Variants in LARP1 observed in about 807,000 individuals in gnomAD.
LARP1 encodes the protein La ribonucleoprotein 1, translational regulator, also known as la-related protein 1.
Under a neutral mutation model 122.7 loss-of-function variants are expected in LARP1, and 36 were observed. The observed-to-expected ratio is 0.29, with a 90% CI of 0.22 to 0.39. The LOEUF (loss-of-function observed/expected upper bound fraction) is 0.39, where lower values mean the gene tolerates loss of function less well. LARP1 is among the 10% of genes least tolerant of loss of function. The pLI is 1.00. For missense variants in LARP1, 1,040 were observed against 1,403.6 expected (o/e 0.74, Z 4.14); for synonymous variants, 539 against 528.7 (o/e 1.02, Z -0.27).
chr5:154,699,761 C>T (rs562671865), intron 1 of LARP1, among the ~76,000 whole-genome samples: 6 of 152,188 alleles, frequency 3.9e-5, no homozygotes, highest in African/African-American at 9.6e-5. Flanking sequence ...GTGGAGGGAC[C>T]GAGGTACAAA....
intron 1 of LARP1, among the ~76,000 whole-genome samples, chr5:154,690,979 G>C (rs1754171594): frequency 6.6e-6 from 1 of 152,198 alleles, no homozygotes; most frequent in Non-Finnish European, 1.5e-5. Context: ...GAGTATCAGG[G>C]CTGGGCACGG....
chr5:154,790,410 C>T, intron 2 of LARP1, 24 bp downstream of exon 2: 1 of 1,606,764 alleles, frequency 6.2e-7, no homozygotes, highest in Non-Finnish European at 8.5e-7. Context: ...GTGGGCAACC[C>T]AAGGGGACTT....
In LARP1 at chr5:154,755,685, TC is replaced by T. The variant is rs1753803313; in HGVS notation, c.-72del. 1 of 987,070 alleles carries T rather than the reference TC, an allele frequency of 1.0e-6. No homozygotes were observed. The highest frequency in any genetic ancestry group is 1.2e-6 in the Non-Finnish European group (1 of 830,036). 61.1% of individuals were successfully genotyped at this position (987,070 alleles called of 1,614,324 possible). On this transcript the variant is annotated 5_prime_UTR_variant, in exon 1 of 19. Coordinates refer to ENST00000518297, the MANE Select transcript of LARP1 (RefSeq NM_033551.3). ...CCCCGGAGGAAGGCGTCGCGGGCGC[TC>T]TGCTAGCCAAGTTCGAGGCGGGGGA...
intron 1 of LARP1, among the ~76,000 whole-genome samples, chr5:154,749,306 G>GA (rs1365745124): frequency 6.6e-6 from 1 of 152,228 alleles, no homozygotes; most frequent in Non-Finnish European, 1.5e-5. Context: ...GAACTGATGA[G>GA]AAGAGGCTGG....
intron 1 of LARP1, among the ~76,000 whole-genome samples, chr5:154,685,233 GACA>G (rs776040803): frequency 6.1e-5 from 9 of 147,242 alleles, no homozygotes; most frequent in Non-Finnish European, 1.2e-4. Flanking sequence ...GACAGAGTGA[GACA>G]ACATCTCAGA....
At chr5:154,774,894 T>C (rs1323236850) in intron 1 of LARP1, among the ~76,000 whole-genome samples, 1 of 152,172 alleles carries the variant, frequency 6.6e-6, no homozygotes, top group African/African-American at 2.4e-5. Context: ...TCACAGTGCC[T>C]GCATTAGGAT....
chr5:154,808,587 G>A lies in LARP1; in HGVS notation c.2827G>A (p.Ala943Thr), dbSNP rs1758986034. The A allele has an allele frequency of 1.2e-6, 2 of 1,613,096 alleles. No individual in the cohort carries two copies. Among genetic ancestry groups the A allele is most frequent in the Non-Finnish European group, 1.7e-6 (2 of 1,179,590 alleles). Reference sequence around the variant, plus strand: ...GTTCAAGCAGCTGGCTCTGGAGGACGCCAAAGAAGGCTACAGGTGAGCAGG... The same window carrying A: ...GTTCAAGCAGCTGGCTCTGGAGGACACCAAAGAAGGCTACAGGTGAGCAGG... The part of the protein sequence containing the change: ...EEFKQLALED[A>T]KEGYRYGLEC... The change falls in exon 16 of 19, where the codon GCC (alanine) becomes ACC (threonine). Residue 943 changes from alanine (A) to threonine (T), a missense_variant. Ala to Thr is a moderately conservative substitution (Grantham distance 58). Coordinates refer to ENST00000518297, the MANE Select transcript of LARP1 (RefSeq NM_033551.3).
chr5:154,720,099 G>A (rs532834190), intron 1 of LARP1, among the ~76,000 whole-genome samples: 60 of 152,196 alleles, frequency 3.9e-4, no homozygotes, highest in Admixed American at 7.9e-4. Flanking sequence ...ACTGAAGCAG[G>A]AGAATTGCTT....
At chr5:154,724,564 G>A (rs537593096) in intron 1 of LARP1, among the ~76,000 whole-genome samples, 70 of 152,102 alleles carry the variant, frequency 4.6e-4, no homozygotes, top group African/African-American at 1.5e-3. Context: ...AAAATAAAGC[G>A]TAATCCTGCC....
At chr5:154,781,520 G>A (rs1396191648) in intron 1 of LARP1, among the ~76,000 whole-genome samples, 4 of 152,114 alleles carry the variant, frequency 2.6e-5, no homozygotes, top group Non-Finnish European at 4.4e-5. Flanking sequence ...GTGATCCTGG[G>A]AGGCGGAGCT....
At chr5:154,683,307 C>T (rs1399156654) in intron 1 of LARP1, among the ~76,000 whole-genome samples, 1 of 152,262 alleles carries the variant, frequency 6.6e-6, no homozygotes. Context: ...ACGGACAGAT[C>T]TGGCCGGCAC....
At chr5:154,811,013 A>G (rs902200734) in intron 16 of LARP1, among the ~76,000 whole-genome samples, 4 of 152,238 alleles carry the variant, frequency 2.6e-5, no homozygotes. Flanking sequence ...TCATAAAAGA[A>G]TAGGAGTAAA....
At position 154,813,943 on chromosome 5, in the gene LARP1, C is replaced by T. The variant is rs551807138; in HGVS notation, c.3138C>T (p.Gly1046=). ...HKRHSVVAGG[G]GGEGRKRCPS... ...GACACTCAGTGGTAGCAGGAGGTGG[C>T]GGCGGTGAGGGCAGGAAGCGGTGCC... is the stretch of plus-strand genomic sequence containing the variant. Residue 1046 remains glycine (G), a synonymous_variant, in exon 19 of 19, where the codon GGC becomes GGT. Transcript: ENST00000518297. 125 of 1,613,864 alleles carry T rather than the reference C, an allele frequency of 7.7e-5. No individual in the cohort carries two copies. Among genetic ancestry groups the T allele is most frequent in the Non-Finnish European group, 9.8e-5 (116 of 1,179,978 alleles).
chr5:154,738,291 TC>T (rs1163057097), intron 1 of LARP1, among the ~76,000 whole-genome samples: 1 of 152,164 alleles, frequency 6.6e-6, no homozygotes, highest in African/African-American at 2.4e-5. Context: ...AACATCTTAA[TC>T]TGGACCCTCA....
chr5:154,701,479 T>C (rs566401637), intron 1 of LARP1, among the ~76,000 whole-genome samples: 22 of 152,048 alleles, frequency 1.4e-4, no homozygotes, highest in African/African-American at 4.8e-4. Flanking sequence ...CTCCAGCCCA[T>C]AGGGAAAGGT....
Position 154,793,614 on chromosome 5 carries a change from T to A in LARP1, c.759T>A (p.Val253=), listed in dbSNP as rs760093422. The A allele has an allele frequency of 6.2e-7, 1 of 1,614,058 alleles. No individual in the cohort carries two copies. ...TCCCAGGAAACAAACACAAGTGGGT[T>A]CCATTACAAATAGACATGAAGCCTG... ...QKKKGNKHKW[V]PLQIDMKPEV... The change falls in exon 5 of 19, where the codon GTT becomes GTA. Residue 253 remains valine, a synonymous_variant. Coordinates refer to ENST00000518297, the MANE Select transcript of LARP1 (RefSeq NM_033551.3).
chr5:154,742,146 TC>T (rs1173423259), intron 1 of LARP1, among the ~76,000 whole-genome samples: 1 of 152,176 alleles, frequency 6.6e-6, no homozygotes, highest in African/African-American at 2.4e-5. Flanking sequence ...TGCACTTCAC[TC>T]CTGTGATCAT....
intron 1 of LARP1, among the ~76,000 whole-genome samples, chr5:154,718,950 A>G (rs1755685893): frequency 6.6e-6 from 1 of 152,206 alleles, no homozygotes; most frequent in Admixed American, 6.5e-5. Flanking sequence ...ACTTGCCCAA[A>G]GTCATGTGGC....
intron 8 of LARP1, among the ~76,000 whole-genome samples, chr5:154,795,971 T>C (rs1172733343): frequency 1.7e-5 from 2 of 118,754 alleles, no homozygotes; most frequent in Non-Finnish European, 3.2e-5. Context: ...TTTATACATA[T>C]TATATATTTA....
Sources: allele counts gnomAD v4.1 joint callset (sites outside exome capture counted in the v4.1 genomes callset), GRCh38; gene constraint gnomAD v4.1.1; transcripts MANE v1.5; gene names NCBI Gene and HGNC (gene_info 2026-07-23, HGNC 2026-07-21).